The following IKBKB-DT variants were observed in gnomAD, a reference collection of about 807,000 sequenced individuals.
IKBKB-DT encodes the protein IKBKB divergent transcript.
At chr8:42,242,489 T>C (rs985669613) in intron 3 of IKBKB-DT, among the ~76,000 whole-genome samples, 11 of 152,192 alleles carry the variant, frequency 7.2e-5, no homozygotes, top group Non-Finnish European at 1.5e-4. Flanking sequence ...CTATAACCCA[T>C]AATTAAGGTA....
Position 42,241,222 on chromosome 8 carries a change from A to ATTTTT in IKBKB-DT, n.1530-7364_1530-7363insAAAAA, listed in dbSNP as rs1563274607. Reference sequence around the variant, plus strand: ...AGTTGATGCCTTTAGATATGTTGGAATCTTTTTTTTTTTTTTTTTTTTTTT... The same window carrying ATTTTT: ...AGTTGATGCCTTTAGATATGTTGGAATTTTTTCTTTTTTTTTTTTTTTTTTTTTTT... On this transcript the variant is annotated intron_variant and non_coding_transcript_variant, in intron 3 of 3. Transcript: ENST00000518213. Among the ~76,000 whole-genome samples, 16 of 66,600 alleles carry ATTTTT rather than the reference A, an allele frequency of 2.4e-4. 1 individual carries two copies. Among genetic ancestry groups the ATTTTT allele is most frequent in the African/African-American group, 5.8e-4 (12 of 20,778 alleles). 43.7% of individuals were successfully genotyped at this position (66,600 alleles called of 152,430 possible).
At chr8:42,240,478 A>T (rs1023425271) in intron 3 of IKBKB-DT, among the ~76,000 whole-genome samples, 12 of 151,598 alleles carry the variant, frequency 7.9e-5, no homozygotes, top group African/African-American at 2.4e-4. Context: ...CAAAAACATT[A>T]GCCGGGCATG....
intron 3 of IKBKB-DT, among the ~76,000 whole-genome samples, chr8:42,260,618 C>T (rs1018509319): frequency 1.4e-5 from 2 of 140,540 alleles, no homozygotes; most frequent in Non-Finnish European, 3.0e-5. Context: ...TGCAGTGAGC[C>T]GAGATGCACC....
intron 2 of IKBKB-DT, among the ~76,000 whole-genome samples, chr8:42,265,416 G>A (rs762499131): frequency 1.6e-4 from 24 of 152,130 alleles, no homozygotes; most frequent in Non-Finnish European, 2.4e-4. Flanking sequence ...CTGTGATCTG[G>A]CCTCCCAGAT....
chr8:42,253,550 G>A (rs912470061), intron 3 of IKBKB-DT, among the ~76,000 whole-genome samples: 126 of 152,258 alleles, frequency 8.3e-4, no homozygotes, highest in African/African-American at 2.9e-3. Context: ...AGATATTGGA[G>A]GAAACTAGAA....
chr8:42,253,064 A>C (rs1015370161), intron 3 of IKBKB-DT, among the ~76,000 whole-genome samples: 2 of 152,232 alleles, frequency 1.3e-5, no homozygotes, highest in Non-Finnish European at 2.9e-5. Flanking sequence ...TGAAGAGATT[A>C]ACGAAGAGTC....
chr8:42,255,007 A>G (rs11987911), intron 3 of IKBKB-DT, among the ~76,000 whole-genome samples: 20,416 of 140,378 alleles, frequency 0.15, 3,053 homozygotes, highest in African/African-American at 0.4. Context: ...CCCGGCCACC[A>G]CCCCATCTGG....
chr8:42,242,285 AGCATCATCCC>A (rs11279897), intron 3 of IKBKB-DT, among the ~76,000 whole-genome samples: 29,977 of 152,060 alleles, frequency 0.2, 3,244 homozygotes, highest in African/African-American at 0.26. Flanking sequence ...AGCAGATTAT[AGCATCATCCC>A]TGTGGTTGGG....
exon 1 of IKBKB-DT, chr8:42,271,104 T>G: frequency 2.2e-6 from 1 of 454,232 alleles, no homozygotes. Flanking sequence ...CGGGGGTCAT[T>G]TCAGGGCTGT....
At chr8:42,260,600 G>C (rs1011138453) in intron 3 of IKBKB-DT, among the ~76,000 whole-genome samples, 1 of 147,578 alleles carries the variant, frequency 6.8e-6, no homozygotes, top group Non-Finnish European at 1.5e-5. Context: ...ACTCTGGGGC[G>C]CAGAGGTTGC....
intron 3 of IKBKB-DT, among the ~76,000 whole-genome samples, chr8:42,246,570 T>A (rs1807067099): frequency 6.6e-6 from 1 of 152,182 alleles, no homozygotes; most frequent in Admixed American, 6.6e-5. Context: ...AGGCATCAAG[T>A]GATGCTCACT....
intron 3 of IKBKB-DT, among the ~76,000 whole-genome samples, chr8:42,260,976 T>A (rs1288667714): frequency 6.6e-6 from 1 of 151,896 alleles, no homozygotes; most frequent in Non-Finnish European, 1.5e-5. Flanking sequence ...GGGAAGAAAG[T>A]CTTAGAAAAC....
chr8:42,255,616 C>T (rs1347413896), intron 3 of IKBKB-DT: 4 of 152,236 alleles, frequency 2.6e-5, no homozygotes, highest in East Asian at 3.9e-4. Context: ...CTGATCATAT[C>T]GGATTATATG....
At chr8:42,243,137 C>T (rs572906978) in intron 3 of IKBKB-DT, among the ~76,000 whole-genome samples, 8 of 152,120 alleles carry the variant, frequency 5.3e-5, no homozygotes, top group South Asian at 2.1e-4. Flanking sequence ...ACCTACTGGG[C>T]GGTTGGACTG....
chr8:42,243,107 T>C (rs2129908048), intron 3 of IKBKB-DT, among the ~76,000 whole-genome samples: 1 of 152,292 alleles, frequency 6.6e-6, no homozygotes, highest in South Asian at 2.1e-4. Flanking sequence ...GGGGTGGTCC[T>C]CGTGCCAGCT....
At chr8:42,248,733 G>A (rs754050646) in intron 3 of IKBKB-DT, among the ~76,000 whole-genome samples, 1 of 151,926 alleles carries the variant, frequency 6.6e-6, no homozygotes, top group Non-Finnish European at 1.5e-5. Flanking sequence ...ACAAAAAGTG[G>A]CCAGGTGTGG....
At chr8:42,257,799 T>C (rs1475803141) in intron 3 of IKBKB-DT, among the ~76,000 whole-genome samples, 1 of 152,102 alleles carries the variant, frequency 6.6e-6, no homozygotes, top group African/African-American at 2.4e-5. Context: ...GACAATTTTT[T>C]TTTTAAAAGT....
At chr8:42,267,493 T>G (rs1022881845) in intron 1 of IKBKB-DT, among the ~76,000 whole-genome samples, 4 of 152,178 alleles carry the variant, frequency 2.6e-5, no homozygotes, top group Admixed American at 2.6e-4. Context: ...CCTTACTTCA[T>G]GGCTCCCTGT....
At chr8:42,269,225 C>T (rs4308716) in intron 1 of IKBKB-DT, among the ~76,000 whole-genome samples, 27 of 150,528 alleles carry the variant, frequency 1.8e-4, no homozygotes, top group African/African-American at 4.6e-4. Context: ...GAGGCTGAGG[C>T]GGGAGGACCC....
Sources: gnomAD v4.1 joint callset for allele counts (sites outside exome capture counted in the v4.1 genomes callset) on GRCh38, gnomAD v4.1.1 for gene constraint, MANE v1.5 for transcripts, NCBI Gene and HGNC (gene_info 2026-07-23, HGNC 2026-07-21) for gene names.